The following ANO1 variants were observed in gnomAD, a reference collection of about 807,000 sequenced individuals.
ANO1 encodes anoctamin-1.
A neutral mutation model predicts 124.0 loss-of-function variants in ANO1; 59 were observed. That is an observed-to-expected ratio of 0.48 (90% confidence interval 0.39 to 0.59). The LOEUF is 0.59. Among genes scored for constraint, ANO1 ranks in the 20% least tolerant of loss-of-function variants. The pLI is 0.00. For missense variants in ANO1, 1,059 were observed against 1,328.0 expected, an observed-to-expected ratio of 0.80 and a Z score of 3.15; for synonymous variants, 529 against 532.0, an observed-to-expected ratio of 0.99 and a Z score of 0.08.
At chr11:70,138,216 G>A (rs1388006460) in intron 11 of ANO1, among the ~76,000 whole-genome samples, 3 of 146,450 alleles carry the variant, frequency 2.0e-5, no homozygotes, top group African/African-American at 4.9e-5. Flanking sequence ...GTAGTGGCAC[G>A]CGCCTGTAGT....
intron 1 of ANO1, among the ~76,000 whole-genome samples, chr11:70,051,145 TC>T (rs1857344231): frequency 6.6e-6 from 1 of 152,124 alleles, no homozygotes; most frequent in Non-Finnish European, 1.5e-5. Context: ...CATTACCAGC[TC>T]CCCTGAAGCC....
chr11:69,966,082 A>T, the ANO1 span, among the ~76,000 whole-genome samples: 1 of 152,162 alleles, frequency 6.6e-6, no homozygotes, highest in Non-Finnish European at 1.5e-5. Context: ...AAAGGAGGTT[A>T]AGCACCTGAC....
At position 70,039,596 on chromosome 11, in the gene ANO1, C is replaced by CGCAGGTGGTAGTCCTACCTCCCCTTCT. The variant is rs1565166718; in HGVS notation, c.59-38919_59-38893dup. Among the ~76,000 whole-genome samples, 5 of 150,648 alleles carry CGCAGGTGGTAGTCCTACCTCCCCTTCT rather than the reference C, an allele frequency of 3.3e-5. No homozygotes were observed. The East Asian group carries it at 9.7e-4, about 29-fold the overall frequency. ...CAGGTGGTAGTCCTACCTCCCCTTC[C>CGCAGGTGGTAGTCCTACCTCCCCTTCT]GCAGGTGGTAGTCCTACCTCCCCTT... is the stretch of plus-strand genomic sequence containing the variant. On this transcript the variant is annotated intron_variant, in intron 1 of 27. Coordinates refer to the ANO1 transcript ENST00000531349.
chr11:70,000,276 T>A (rs79900827), intron 1 of ANO1, among the ~76,000 whole-genome samples: 2,111 of 151,422 alleles, frequency 0.014, 48 homozygotes, highest in African/African-American at 0.049. Flanking sequence ...GAATGTGACA[T>A]CTGCTTTATA....
At position 70,183,767 on chromosome 11, in the gene ANO1, C is replaced by T. The variant is rs184189128; in HGVS notation, c.2588+1081C>T. Reference sequence around the variant, plus strand: ...GGCAGCTCAGTGCTGAATAGGCCCTCGGAGACTCCCATCCAGCTCCCTCCA... The same window carrying T: ...GGCAGCTCAGTGCTGAATAGGCCCTTGGAGACTCCCATCCAGCTCCCTCCA... On this transcript the variant is annotated intron_variant, in intron 24 of 25. Transcript: ENST00000355303. 8.9e-4 allele frequency among the ~76,000 whole-genome samples: 135 copies of T among 152,296 alleles called. 1 individual carries two copies. Among genetic ancestry groups the T allele is most frequent in the African/African-American group, 3.1e-3 (129 of 41,562 alleles).
Position 70,188,138 on chromosome 11 carries a change from T to G in ANO1, c.*134T>G. Reference sequence around the variant, plus strand: ...TCTGCAAACATGGAGGACCACTTTCTGATAGGACATTTTCCTTTCTTCTTT... The same window carrying G: ...TCTGCAAACATGGAGGACCACTTTCGGATAGGACATTTTCCTTTCTTCTTT... On this transcript the variant is annotated 3_prime_UTR_variant, in exon 26 of 26. Transcript: ENST00000355303. 1.0e-6 allele frequency: 1 copy of G among 998,800 alleles called. No individual in the cohort carries two copies. Among genetic ancestry groups the G allele is most frequent in the Non-Finnish European group, 1.4e-6 (1 of 701,288 alleles). The allele number at this position is 998,800 out of a possible 1,614,324, so 61.9% of individuals were successfully genotyped here.
At chr11:70,170,864 C>T in intron 21 of ANO1, 23 bp from the exon 22 acceptor site, 1 of 1,610,574 alleles carries the variant, frequency 6.2e-7, no homozygotes, top group South Asian at 1.1e-5. Context: ...GGGGTGCTGA[C>T]TAGCACTGGG....
At chr11:70,059,033 A>AC (rs1857506539) in intron 1 of ANO1, among the ~76,000 whole-genome samples, 2 of 151,290 alleles carry the variant, frequency 1.3e-5, no homozygotes, top group South Asian at 4.2e-4. Context: ...AAAAAAAAAA[A>AC]CACAAAAAAT....
At position 70,110,184 on chromosome 11, in the gene ANO1, C is replaced by CTTT. The variant is rs923690897; in HGVS notation, c.800-1504_800-1502dup. 1.3e-3 allele frequency among the ~76,000 whole-genome samples: 159 copies of CTTT among 118,060 alleles called. 2 individuals are homozygous for CTTT. Among genetic ancestry groups the CTTT allele is most frequent in the East Asian group, 1.8e-3 (7 of 3,832 alleles). 77.5% of individuals were successfully genotyped at this position (118,060 alleles called of 152,430 possible). On this transcript the variant is annotated intron_variant, in intron 6 of 25. Transcript: ENST00000355303. ...CTGGCTGAGGGCCTATGTTCACTTT[C>CTTT]TTTTTTTTTTTTTTTTTTTTTAGAC...
At chr11:70,147,381 C>A (rs1212453895) in intron 11 of ANO1, among the ~76,000 whole-genome samples, 1 of 152,218 alleles carries the variant, frequency 6.6e-6, no homozygotes, top group Non-Finnish European at 1.5e-5. Flanking sequence ...CTGCTCCCAC[C>A]GTCTGCCTCC....
intron 1 of ANO1, among the ~76,000 whole-genome samples, chr11:69,987,220 G>T (rs1038636041): frequency 6.6e-6 from 1 of 152,128 alleles, no homozygotes; most frequent in Non-Finnish European, 1.5e-5. Flanking sequence ...GGGCCACCAG[G>T]GCCTACTCTT....
At chr11:69,983,986 T>G (rs1554996562), upstream of ANO1, among the ~76,000 whole-genome samples, 1 of 152,196 alleles carries the variant, frequency 6.6e-6, no homozygotes. Context: ...AGGTAAATAA[T>G]GACAGTTAAA....
chr11:70,036,646 C>A (rs188565507), intron 1 of ANO1, among the ~76,000 whole-genome samples: 7 of 152,184 alleles, frequency 4.6e-5, no homozygotes, highest in East Asian at 1.9e-4. Context: ...CTCGCTTTGT[C>A]GCCCAGGCTG....
At chr11:70,171,981 G>A (rs1044104501) in intron 22 of ANO1, among the ~76,000 whole-genome samples, 2 of 152,022 alleles carry the variant, frequency 1.3e-5, no homozygotes, top group Non-Finnish European at 1.5e-5. Context: ...TTAGCTGGAT[G>A]TGGTGGCACA....
intron 9 of ANO1, 77 bp from the exon 10 acceptor site, chr11:70,125,984 G>T: frequency 6.7e-7 from 1 of 1,501,682 alleles, no homozygotes; most frequent in Non-Finnish European, 8.9e-7. Context: ...TGCTCTTGCT[G>T]GGGAGGGCCT....
In ANO1 at chr11:70,165,557, G is replaced by C. The variant is rs762296687; in HGVS notation, c.2038G>C (p.Glu680Gln). The C allele has an allele frequency of 1.9e-6, 3 of 1,610,880 alleles. No individual in the cohort carries two copies. The South Asian group carries it at 3.3e-5, about 18-fold the overall frequency. The change falls in exon 20 of 26, where the codon GAG becomes CAG. Residue 680 changes from glutamate (E) to glutamine (Q), a missense_variant. Glu to Gln is a conservative substitution (Grantham distance 29). Coordinates refer to ENST00000355303, the MANE Select transcript of ANO1 (RefSeq NM_018043.7). Reference protein sequence around the residue: ...GKQLIQNNLFEIGIPKMKKLI... With the variant: ...GKQLIQNNLFQIGIPKMKKLI... ...ACAGCTGATCCAGAACAACCTGTTC[G>C]AGATCGGCATCCCGTGAGTGTGCTG...
intron 16 of ANO1, 68 bp downstream of exon 16, chr11:70,157,089 G>T: frequency 7.0e-7 from 1 of 1,431,742 alleles, no homozygotes. Flanking sequence ...GGCTTCAGCC[G>T]GGCGTGGTGG....
intron 1 of ANO1, among the ~76,000 whole-genome samples, chr11:70,062,538 G>A (rs1210406406): frequency 3.9e-5 from 6 of 152,184 alleles, no homozygotes; most frequent in Non-Finnish European, 8.8e-5. Context: ...TGTTTTGAAC[G>A]GACCATGCTG....
chr11:70,050,136 T>G (rs1412758368), intron 1 of ANO1, among the ~76,000 whole-genome samples: 1 of 152,200 alleles, frequency 6.6e-6, no homozygotes, highest in Non-Finnish European at 1.5e-5. Flanking sequence ...GCCTGGAGCT[T>G]TTCCTCCTGA....
Sources: gnomAD v4.1 joint callset for allele counts (sites outside exome capture counted in the v4.1 genomes callset) on GRCh38, gnomAD v4.1.1 for gene constraint, MANE v1.5 for transcripts, NCBI Gene and HGNC (gene_info 2026-07-23, HGNC 2026-07-21) for gene names.